The following CDHR2 variants were observed in gnomAD, a reference collection of about 807,000 sequenced individuals.
CDHR2 encodes cadherin-related family member 2.
In CDHR2, 104 loss-of-function variants were observed where a neutral mutation model predicts 138.6. That is an observed-to-expected ratio of 0.75 (90% CI 0.64 to 0.88). The LOEUF (loss-of-function observed/expected upper bound fraction) is 0.88, where lower values mean the gene tolerates loss of function less well. CDHR2 is among the 40% of genes least tolerant of loss of function. The probability of loss-of-function intolerance (pLI) is 0.00; values close to 1 mark genes in which losing one functional copy is unlikely to be tolerated. For missense variants in CDHR2, 1,624 were observed against 1,727.6 expected (o/e 0.94, Z 1.06); for synonymous variants, 755 against 742.8 (o/e 1.02, Z -0.27).
In CDHR2 at chr5:176,576,029, C is replaced by T; in HGVS notation, c.1038C>T (p.Val346=). 6.2e-7 allele frequency: 1 copy of T among 1,614,036 alleles called. No homozygotes were observed. The highest frequency in any genetic ancestry group is 8.5e-7 in the Non-Finnish European group (1 of 1,180,014). ...GGGTGACAGTGAGAGTGATGGACGTCAATGACCACAAACCTGAGTTTTACA... is the reference window on the plus strand; with the variant it reads ...GGGTGACAGTGAGAGTGATGGACGTTAATGACCACAAACCTGAGTTTTACA... ...SIWVTVRVMD[V]NDHKPEFYNC... The change falls in exon 12 of 32, where the codon GTC becomes GTT. Residue 346 remains valine (V), a synonymous_variant. Transcript: ENST00000261944. The surrounding 1 kb of genome is among the most constrained non-coding windows in gnomAD (Gnocchi z 4.5).
chr5:176,559,518 C>T (rs1168161594), intron 1 of CDHR2, among the ~76,000 whole-genome samples: 1 of 152,194 alleles, frequency 6.6e-6, no homozygotes, highest in Non-Finnish European at 1.5e-5. Flanking sequence ...GTGTTATTCA[C>T]TTATACAAAA....
Position 176,591,417 on chromosome 5 carries a change from C to G in CDHR2, c.3667C>G (p.Leu1223Val). Residue 1223 changes from leucine (L) to valine (V), a missense_variant, in exon 30 of 32, where the codon CTG (leucine) becomes GTG (valine). Leu to Val is a conservative substitution (Grantham distance 32). Coordinates refer to ENST00000261944, the MANE Select transcript of CDHR2 (RefSeq NM_017675.6). ...MYNTERANPM[L>V]NLPNKDLGLE... ...CTTTCTCTCCAGAGCCAACCCCATG[C>G]TGAACCTCCCCAACAAAGACCTGGG... 1 of 1,614,050 alleles carries G rather than the reference C, an allele frequency of 6.2e-7. No homozygotes were observed. Among genetic ancestry groups the G allele is most frequent in the Non-Finnish European group, 8.5e-7 (1 of 1,179,996 alleles).
intron 1 of CDHR2, among the ~76,000 whole-genome samples, chr5:176,549,717 G>C (rs1439989719): frequency 6.6e-6 from 1 of 152,206 alleles, no homozygotes; most frequent in East Asian, 1.9e-4. Context: ...AGGGAAACGA[G>C]GTAACTGGCC....
chr5:176,575,750 A>G lies in CDHR2; in HGVS notation c.871A>G (p.Ile291Val), dbSNP rs1352741111. 3.8e-6 allele frequency: 6 copies of G among 1,570,128 alleles called. No individual in the cohort carries two copies. Among genetic ancestry groups the G allele is most frequent in the South Asian group, 2.3e-5 (2 of 86,640 alleles). ...SYSTRPGWFD[I>V]GADGVIRVNG... ...CTCCACGCGGCCCGGCTGGTTTGAC[A>G]TCGGGGCAGATGGGGTGATCAGGGT... Residue 291 changes from isoleucine to valine, a missense_variant, in exon 11 of 32, where the codon ATC becomes GTC. Around this residue, in one of 3 missense-constraint regions of CDHR2, gnomAD observed 1,061 missense variants for 1,136.6 expected, o/e 0.93. Transcript: ENST00000261944.
chr5:176,595,148 G>A (rs1162482219), intron 31 of CDHR2, among the ~76,000 whole-genome samples: 2 of 152,188 alleles, frequency 1.3e-5, no homozygotes, highest in Admixed American at 6.5e-5. Context: ...GGTAGTTGAG[G>A]TAATGGATGG....
chr5:176,581,982 T>A (rs1758545023), intron 17 of CDHR2, among the ~76,000 whole-genome samples: 1 of 152,154 alleles, frequency 6.6e-6, no homozygotes, highest in Non-Finnish European at 1.5e-5. Context: ...CCGCCAAGGT[T>A]GGGATGGTTA....
intron 21 of CDHR2, among the ~76,000 whole-genome samples, chr5:176,588,594 T>G (rs1758745047): frequency 1.5e-5 from 2 of 130,456 alleles, no homozygotes; most frequent in African/African-American, 6.0e-5. Flanking sequence ...AGGGTGTGTA[T>G]GAGTGTGTGT....
At position 176,575,530 on chromosome 5, in the gene CDHR2, G is replaced by T; in HGVS notation, c.793G>T (p.Ala265Ser). ...AKGTSVLTVEAVDGDKGINDP... is the reference protein window; with the variant it reads ...AKGTSVLTVESVDGDKGINDP... The stretch of plus-strand genomic sequence containing the variant: ...GGGAACCTCGGTGCTGACGGTGGAG[G>T]CTGTGGATGGCGACAAAGGCATCAA... Residue 265 changes from alanine (A) to serine (S), a missense_variant, in exon 10 of 32, where the codon GCT becomes TCT. Coordinates refer to ENST00000261944, the MANE Select transcript of CDHR2 (RefSeq NM_017675.6). 2 of 1,614,192 alleles carry T rather than the reference G, an allele frequency of 1.2e-6. No individual in the cohort carries two copies. Among genetic ancestry groups the T allele is most frequent in the Non-Finnish European group, 1.7e-6 (2 of 1,180,034 alleles).
intron 1 of CDHR2, among the ~76,000 whole-genome samples, chr5:176,552,345 G>T (rs1194162282): frequency 6.6e-6 from 1 of 152,266 alleles, no homozygotes; most frequent in Non-Finnish European, 1.5e-5. Flanking sequence ...TCTGGGCAGA[G>T]GGAATGGTTT....
chr5:176,572,390 A>AAAAT lies in CDHR2; in HGVS notation c.405+1111_405+1114dup, dbSNP rs10527338. Among the ~76,000 whole-genome samples the AAAAT allele has an allele frequency of 4.6e-3, 690 of 148,610 alleles. 3 individuals are homozygous for AAAAT. Among genetic ancestry groups the AAAAT allele is most frequent in the African/African-American group, 0.014 (564 of 40,216 alleles). ...GCAACAAGAACAAAACTCCATCTCA[A>AAAAT]AAATAAATAAATAAATAAATAAATA... On this transcript the variant is annotated intron_variant, in intron 6 of 31. Transcript: ENST00000261944.
intron 7 of CDHR2, 68 bp downstream of exon 7, chr5:176,574,240 C>T: frequency 8.4e-7 from 1 of 1,190,948 alleles, no homozygotes; most frequent in Non-Finnish European, 1.2e-6. Context: ...AGACAACCCA[C>T]AGGGCCTGAA....
rs986321084 is a variant in CDHR2 at position 176,591,459 on chromosome 5, C to T, written c.3709C>T (p.Pro1237Ser). The T allele has an allele frequency of 6.2e-7, 1 of 1,613,744 alleles. No individual in the cohort carries two copies. Among genetic ancestry groups the T allele is most frequent in the Non-Finnish European group, 8.5e-7 (1 of 1,179,832 alleles). Reference sequence around the variant, plus strand: ...AGACCTGGGCTTGGAGTACCTCTCTCCCTCCAATGACCTGGACTCTGTCAG... The same window carrying T: ...AGACCTGGGCTTGGAGTACCTCTCTTCCTCCAATGACCTGGACTCTGTCAG... ...NKDLGLEYLS[P>S]SNDLDSVSVN... is the part of the protein sequence containing the mutation. Residue 1237 changes from proline (P) to serine (S), a missense_variant, in exon 30 of 32, where the codon CCC becomes TCC. Around this residue, in one of 3 missense-constraint regions of CDHR2, gnomAD observed 556 missense variants for 565.7 expected, o/e 0.98. Coordinates refer to ENST00000261944, the MANE Select transcript of CDHR2 (RefSeq NM_017675.6).
chr5:176,561,792 A>G (rs1242398363), intron 1 of CDHR2, among the ~76,000 whole-genome samples: 1 of 151,904 alleles, frequency 6.6e-6, no homozygotes, highest in African/African-American at 2.4e-5. Flanking sequence ...GGCATGTGCC[A>G]CCTCGCCCGG....
At chr5:176,565,771 A>T in intron 3 of CDHR2, 28 bp downstream of exon 3, 1 of 1,594,048 alleles carries the variant, frequency 6.3e-7, no homozygotes, top group Non-Finnish European at 8.6e-7. Context: ...TGTCTGCCCC[A>T]TGTCAGGTCC....
chr5:176,544,671 A>G (rs919139323), upstream of CDHR2, among the ~76,000 whole-genome samples: 4 of 151,922 alleles, frequency 2.6e-5, no homozygotes, highest in African/African-American at 9.7e-5. Context: ...AACTCCTGAC[A>G]TGGTGATCCG....
At chr5:176,589,203 G>T in intron 22 of CDHR2, 21 bp downstream of exon 22, 1 of 1,613,708 alleles carries the variant, frequency 6.2e-7, no homozygotes, top group Non-Finnish European at 8.5e-7. Context: ...GCGGCCCCGG[G>T]AGGGAGGTTG....
At position 176,558,214 on chromosome 5, in the gene CDHR2, ATTTT is replaced by A. The variant is rs34795456; in HGVS notation, c.-15-7108_-15-7105del. Among the ~76,000 whole-genome samples, 15 of 132,156 alleles carry A rather than the reference ATTTT, an allele frequency of 1.1e-4. 1 individual carries two copies. The highest frequency in any genetic ancestry group is 1.6e-4 in the Non-Finnish European group (10 of 61,408). 86.7% of individuals were successfully genotyped at this position (132,156 alleles called of 152,430 possible). On this transcript the variant is annotated intron_variant, in intron 1 of 31. Transcript: ENST00000261944. ...TTTGCTTGCTTAGTTTTCTTTTCTT[ATTTT>A]TTTTTTTTTTTTTTTGAGACGGAGT...
At chr5:176,554,751 C>T (rs893424550) in intron 1 of CDHR2, among the ~76,000 whole-genome samples, 2 of 152,198 alleles carry the variant, frequency 1.3e-5, no homozygotes, top group Admixed American at 6.5e-5. Flanking sequence ...ACCTCCACCT[C>T]CCGGGTTCAC....
rs1441853094 is a variant in CDHR2 at position 176,590,815 on chromosome 5, A to C, written c.3539+128A>C. On this transcript the variant is annotated intron_variant, in intron 28 of 31. Transcript: ENST00000261944. Reference sequence around the variant, plus strand: ...ACATGCATTCACTCCCCAGTGACCCAGTGCGAGATCTTGGGTGAGTCACCT... The same window carrying C: ...ACATGCATTCACTCCCCAGTGACCCCGTGCGAGATCTTGGGTGAGTCACCT... The C allele has an allele frequency of 3.9e-6, 5 of 1,280,178 alleles. No homozygotes were observed. The African/African-American group carries it at 7.3e-5, about 19-fold the overall frequency. 79.3% of individuals were successfully genotyped at this position (1,280,178 alleles called of 1,614,324 possible). A position where few individuals can be genotyped will look rare whatever the true frequency, so the allele number is the denominator to read the frequency against.
Sources: gnomAD v4.1 joint callset for allele counts (sites outside exome capture counted in the v4.1 genomes callset) on GRCh38, gnomAD v4.1.1 for gene constraint, gnomAD v4.1.1 regional missense constraint, Gnocchi (gnomAD v3.1) non-coding constraint, MANE v1.5 for transcripts, NCBI Gene and HGNC (gene_info 2026-07-23, HGNC 2026-07-21) for gene names.